GPAT4: variants seen among roughly 807,000 people sequenced by gnomAD.
GPAT4 encodes 1-AGP acyltransferase 6.
GPAT4 carries 17 observed loss-of-function variants against 58.0 expected under a neutral mutation model. That is an observed-to-expected ratio of 0.29 (90% confidence interval 0.20 to 0.44). The LOEUF (loss-of-function observed/expected upper bound fraction) is 0.44. GPAT4 is among the 20% of genes least tolerant of loss of function. GPAT4 has a pLI of 1.00. For missense variants in GPAT4, 377 were observed against 574.5 expected, an observed-to-expected ratio of 0.66 and a Z score of 3.51; for synonymous variants, 204 against 210.1, an observed-to-expected ratio of 0.97 and a Z score of 0.25.
intron 5 of GPAT4, among the ~76,000 whole-genome samples, chr8:41,611,254 C>T (rs553731155): frequency 2.0e-5 from 3 of 152,300 alleles, no homozygotes; most frequent in Non-Finnish European, 4.4e-5. Context: ...ATGGCAACAA[C>T]GGCATCAGCA....
intron 2 of GPAT4, among the ~76,000 whole-genome samples, chr8:41,601,136 T>C (rs1803082451): frequency 8.7e-6 from 1 of 114,560 alleles, no homozygotes; most frequent in Non-Finnish European, 1.9e-5. Context: ...CTTAGAGCAT[T>C]GCTTAAGGAT....
intron 1 of GPAT4, among the ~76,000 whole-genome samples, chr8:41,597,524 T>C (rs140798210): frequency 9.8e-5 from 15 of 152,364 alleles, no homozygotes; most frequent in Middle Eastern, 3.4e-3. Context: ...TTTAAAAATG[T>C]GTATTTTCTT....
chr8:41,615,117 G>A (rs1803556878), intron 10 of GPAT4, 69 bp downstream of exon 10: 16 of 1,406,428 alleles, frequency 1.1e-5, no homozygotes, highest in Non-Finnish European at 1.6e-5. Flanking sequence ...GCAGGAGGAG[G>A]TAGAGGAAGG....
At chr8:41,603,562 A>G (rs1315888859) in intron 2 of GPAT4, among the ~76,000 whole-genome samples, 1 of 150,282 alleles carries the variant, frequency 6.7e-6, no homozygotes, top group Non-Finnish European at 1.5e-5. Flanking sequence ...TTTGGGCCCC[A>G]GAACCTGCTT....
Position 41,614,954 on chromosome 8 carries a change from G to C in GPAT4, c.968-9G>C. 1 of 1,612,488 alleles carries C rather than the reference G, an allele frequency of 6.2e-7. No homozygotes were observed. Among genetic ancestry groups the C allele is most frequent in the Non-Finnish European group, 8.5e-7 (1 of 1,178,564 alleles). ...CAGAAATAGCATTTTATTGTCTCCT[G>C]CATTTTAGGAACCTGCATCAATAAT... On this transcript the variant is annotated splice_polypyrimidine_tract_variant and intron_variant, in intron 9 of 12. Transcript: ENST00000396987.
At chr8:41,618,545 C>G (rs1184621563) in intron 10 of GPAT4, 139 bp from the exon 11 acceptor site, 5 of 1,089,722 alleles carry the variant, frequency 4.6e-6, no homozygotes, top group Non-Finnish European at 6.8e-6. Flanking sequence ...AGAGGGGCTT[C>G]CACAGTACTC....
chr8:41,585,736 G>C (rs1585648326), intron 1 of GPAT4, among the ~76,000 whole-genome samples: 1 of 152,328 alleles, frequency 6.6e-6, no homozygotes, highest in Admixed American at 6.5e-5. Context: ...AATGTAGCTT[G>C]TCTGATTCCC....
At chr8:41,586,866 C>T (rs1267530424) in intron 1 of GPAT4, among the ~76,000 whole-genome samples, 1 of 152,224 alleles carries the variant, frequency 6.6e-6, no homozygotes, top group African/African-American at 2.4e-5. Flanking sequence ...TCTCAACTGG[C>T]TCCACATCAG....
rs138775053 is a variant in GPAT4, at chr8:41,607,608, C to T, written c.166-1808C>T. On this transcript the variant is annotated intron_variant, in intron 2 of 12. Coordinates refer to ENST00000396987, the MANE Select transcript of GPAT4 (RefSeq NM_178819.4). Reference sequence around the variant, plus strand: ...GGCTGTAGTGCAGTGGTGCAATCTCCGCTCACTGCAGCCTCAACGTCCCCT... The same window carrying T: ...GGCTGTAGTGCAGTGGTGCAATCTCTGCTCACTGCAGCCTCAACGTCCCCT... Among the ~76,000 whole-genome samples, 600 of 151,552 alleles carry T rather than the reference C, an allele frequency of 4.0e-3. 2 individuals carry two copies. The highest frequency in any genetic ancestry group is 0.014 in the Middle Eastern group (4 of 294).
intron 1 of GPAT4, among the ~76,000 whole-genome samples, chr8:41,596,333 A>C (rs1414204958): frequency 6.6e-6 from 1 of 152,172 alleles, no homozygotes; most frequent in Admixed American, 6.5e-5. Context: ...ACCAGAATCA[A>C]AACCAAAATC....
In GPAT4 at chr8:41,598,667, T is replaced by C. The variant is rs1438456269; in HGVS notation, c.-473T>C. On this transcript the variant is annotated 5_prime_UTR_variant, in exon 2 of 13. Coordinates refer to ENST00000396987, the MANE Select transcript of GPAT4 (RefSeq NM_178819.4). ...GCCAGTGATTACCCCTCCACAGGAGTTATCAGGATTTTTCTGGCACCAAGT... is the reference window on the plus strand; with the variant it reads ...GCCAGTGATTACCCCTCCACAGGAGCTATCAGGATTTTTCTGGCACCAAGT... The C allele has an allele frequency of 6.5e-6, 1 of 154,686 alleles. No homozygotes were observed. The highest frequency in any genetic ancestry group is 1.4e-5 in the Non-Finnish European group (1 of 69,898). The allele number at this position is 154,686 out of a possible 1,614,324, so 9.6% of individuals were successfully genotyped here. A position where few individuals can be genotyped will look rare whatever the true frequency, so the allele number is the denominator to read the frequency against.
chr8:41,587,264 T>G (rs1046105357), intron 1 of GPAT4, among the ~76,000 whole-genome samples: 1 of 152,224 alleles, frequency 6.6e-6, no homozygotes, highest in Admixed American at 6.5e-5. Context: ...ACTTTCTGAA[T>G]GAGAAAGCAT....
At chr8:41,610,861 G>A (rs1803421293) in intron 5 of GPAT4, 51 bp downstream of exon 5, 2 of 1,527,384 alleles carry the variant, frequency 1.3e-6, no homozygotes, top group Non-Finnish European at 1.8e-6. Flanking sequence ...TTCTGGGAAT[G>A]GTGCTCAGAT....
rs1307940728 is a variant in GPAT4 at position 41,622,159 on chromosome 8, C to G, written c.*1158C>G. 6.7e-6 allele frequency: 1 copy of G among 149,988 alleles called. No homozygotes were observed. 9.3% of individuals were successfully genotyped at this position (149,988 alleles called of 1,614,324 possible). On this transcript the variant is annotated 3_prime_UTR_variant, in exon 13 of 13. Coordinates refer to ENST00000396987, the MANE Select transcript of GPAT4 (RefSeq NM_178819.4). The stretch of plus-strand genomic sequence containing the variant: ...CTCCAGAGACGGGGTGTGTGCGGGT[C>G]GCTGATGTGAGGCCTAGGGGAAGCA...
intron 1 of GPAT4, among the ~76,000 whole-genome samples, chr8:41,582,428 A>G (rs1210605532): frequency 6.8e-6 from 1 of 148,066 alleles, no homozygotes; most frequent in Non-Finnish European, 1.5e-5. Flanking sequence ...CCTTGGAGAA[A>G]TAGGGTGGGA....
At chr8:41,595,156 G>GTTTTTT (rs1159786065) in intron 1 of GPAT4, among the ~76,000 whole-genome samples, 1 of 130,292 alleles carries the variant, frequency 7.7e-6, no homozygotes, top group Non-Finnish European at 1.6e-5. Context: ...AATTGGTATA[G>GTTTTTT]TTTTTTTTTT....
chr8:41,591,104 G>A (rs186940326), intron 1 of GPAT4, among the ~76,000 whole-genome samples: 25 of 152,238 alleles, frequency 1.6e-4, no homozygotes, highest in African/African-American at 4.8e-4. Context: ...GGGGTTCCAC[G>A]TGAGAGGGTT....
At chr8:41,583,759 T>G (rs867938202) in intron 1 of GPAT4, among the ~76,000 whole-genome samples, 2 of 152,210 alleles carry the variant, frequency 1.3e-5, no homozygotes, top group South Asian at 2.1e-4. Flanking sequence ...TGTTCAGGTC[T>G]GAGGTTAGAG....
chr8:41,608,532 T>C (rs942992753), intron 2 of GPAT4, among the ~76,000 whole-genome samples: 12 of 152,250 alleles, frequency 7.9e-5, no homozygotes, highest in African/African-American at 2.9e-4. Context: ...CTGGCTGTCT[T>C]ATACCAGCGA....
Sources: allele counts gnomAD v4.1 joint callset (sites outside exome capture counted in the v4.1 genomes callset), GRCh38; gene constraint gnomAD v4.1.1; transcripts MANE v1.5; gene names NCBI Gene and HGNC (gene_info 2026-07-23, HGNC 2026-07-21).